Variants in NOS3 observed in about 807,000 individuals in gnomAD.
NOS3 encodes the protein nitric oxide synthase 3, also known as NOS type III.
NOS3 carries 98 observed loss-of-function variants against 144.9 expected under a neutral mutation model. The ratio of observed to expected loss-of-function variants is 0.68; its 90% confidence interval spans 0.57 to 0.80. NOS3 has a LOEUF of 0.80. NOS3 is among the 30% of genes least tolerant of loss of function. The probability of loss-of-function intolerance (pLI) is 0.00; values close to 1 mark genes in which losing one functional copy is unlikely to be tolerated. For synonymous variants in NOS3, 714 were observed against 702.4 expected, an observed-to-expected ratio of 1.02 and a Z score of -0.26; for missense variants, 1,465 against 1,656.4, an observed-to-expected ratio of 0.88 and a Z score of 2.01.
chr7:151,003,446 G>T lies in NOS3; in HGVS notation c.1752+1142G>T, dbSNP rs1365219835. 1 of 1,215,736 alleles carries T rather than the reference G, an allele frequency of 8.2e-7. No homozygotes were observed. Among genetic ancestry groups the T allele is most frequent in the East Asian group, 5.8e-5 (1 of 17,236 alleles). 75.3% of individuals were successfully genotyped at this position (1,215,736 alleles called of 1,614,324 possible). Reference sequence around the variant, plus strand: ...TGGCCCTCAGTATCTTAAGCAAGTTGGAATCTCGTGAAACCCTTTTTGCTG... The same window carrying T: ...TGGCCCTCAGTATCTTAAGCAAGTTTGAATCTCGTGAAACCCTTTTTGCTG... On this transcript the variant is annotated intron_variant, in intron 14 of 26. Transcript: ENST00000297494. This position sits in a 1 kb window ranked among gnomAD's most constrained non-coding sequence, Gnocchi z 4.1.
chr7:150,993,635 G>A lies in NOS3; in HGVS notation c.-51-118G>A. On this transcript the variant is annotated intron_variant, in intron 1 of 26. Coordinates refer to ENST00000297494, the MANE Select transcript of NOS3 (RefSeq NM_000603.5). This position sits in a 1 kb window ranked among gnomAD's most constrained non-coding sequence, Gnocchi z 4.0. ...GCGGGCGTGGAGCTGAGGCTTTAGA[G>A]CCTCCCAGCCGGGCTTGTTCCTGTC... The A allele has an allele frequency of 4.6e-6, 3 of 652,584 alleles. No homozygotes were observed. In the South Asian group the frequency reaches 6.9e-5, roughly 15 times the overall value. 40.4% of individuals were successfully genotyped at this position (652,584 alleles called of 1,614,324 possible).
chr7:151,012,600 CATG>C, intron 24 of NOS3, 128 bp downstream of exon 24: 1 of 1,203,360 alleles, frequency 8.3e-7, no homozygotes, highest in South Asian at 1.5e-5. Context: ...AAAAGACGCT[CATG>C]AGACCAAGGG....
intron 2 of NOS3, 64 bp downstream of exon 2, chr7:150,994,025 G>T: frequency 2.0e-6 from 3 of 1,501,054 alleles, no homozygotes; most frequent in South Asian, 2.5e-5. Context: ...GAAGCCTGGG[G>T]CTGGGAAGGT....
At chr7:151,012,589 G>GA (rs1795330104) in intron 24 of NOS3, 117 bp downstream of exon 24, 1 of 1,302,008 alleles carries the variant, frequency 7.7e-7, no homozygotes, top group South Asian at 1.5e-5. Context: ...CCACAAAGCT[G>GA]AAAAGACGCT....
chr7:151,007,220 G>A lies in NOS3; in HGVS notation c.2056G>A (p.Asp686Asn), dbSNP rs755188330. The part of the protein sequence containing the change: ...GERLLQLGQG[D>N]ELCGQEEAFR... Reference sequence around the variant, plus strand: ...GCGGCTGCTGCAGCTGGGCCAGGGCGACGAGCTGTGCGGCCAGGAGGAGGC... The same window carrying A: ...GCGGCTGCTGCAGCTGGGCCAGGGCAACGAGCTGTGCGGCCAGGAGGAGGC... The change falls in exon 17 of 27, where the codon GAC becomes AAC. Residue 686 changes from aspartate to asparagine, a missense_variant. Coordinates refer to ENST00000297494, the MANE Select transcript of NOS3 (RefSeq NM_000603.5). The A allele has an allele frequency of 1.2e-6, 2 of 1,610,222 alleles. No individual in the cohort carries two copies. Among genetic ancestry groups the A allele is most frequent in the East Asian group, 2.2e-5 (1 of 44,868 alleles).
intron 1 of NOS3, among the ~76,000 whole-genome samples, chr7:150,991,937 A>G (rs567178314): frequency 6.6e-6 from 1 of 151,738 alleles, no homozygotes; most frequent in East Asian, 1.9e-4. Context: ...CGGAGGTTAC[A>G]GTGAGCTGAG....
intron 17 of NOS3, 107 bp downstream of exon 17, chr7:151,007,383 C>A: frequency 8.1e-7 from 1 of 1,231,126 alleles, no homozygotes; most frequent in Non-Finnish European, 1.1e-6. Flanking sequence ...CTGTTCCTTC[C>A]AAAATCCACC....
intron 9 of NOS3, among the ~76,000 whole-genome samples, chr7:150,999,652 G>C (rs1382121610): frequency 6.7e-6 from 1 of 149,128 alleles, no homozygotes; most frequent in Non-Finnish European, 1.5e-5. Flanking sequence ...GAGACTGTGG[G>C]TTTGTAGGGG....
chr7:151,005,748 G>A (rs751778966), intron 14 of NOS3, among the ~76,000 whole-genome samples: 18 of 152,210 alleles, frequency 1.2e-4, no homozygotes, highest in Admixed American at 5.9e-4. Flanking sequence ...TCTCAGTGAA[G>A]TACAATGTAG....
At chr7:151,008,432 G>A (rs1453216116) in intron 17 of NOS3, among the ~76,000 whole-genome samples, 1 of 152,200 alleles carries the variant, frequency 6.6e-6, no homozygotes, top group African/African-American at 2.4e-5. Context: ...GCCCCGTGGG[G>A]TCCCCTCTGC....
chr7:151,006,558 G>A (rs1795209429), intron 15 of NOS3, 64 bp downstream of exon 15: 1 of 1,369,000 alleles, frequency 7.3e-7, no homozygotes, highest in Non-Finnish European at 1.0e-6. Flanking sequence ...CAAACAGAAA[G>A]GGGGTCTGAA....
intron 23 of NOS3, chr7:151,011,683 G>A (rs527499618): frequency 5.4e-5 from 12 of 223,836 alleles, no homozygotes; most frequent in Admixed American, 5.3e-4. Flanking sequence ...CCACCACCAC[G>A]CCCAGCTAAT....
chr7:151,008,149 T>G (rs1584910006), intron 17 of NOS3, among the ~76,000 whole-genome samples: 1 of 151,808 alleles, frequency 6.6e-6, no homozygotes, highest in Non-Finnish European at 1.5e-5. Flanking sequence ...AGGCGTAGGA[T>G]CCATTACAGC....
chr7:151,013,694 A>G (rs1355553532), intron 25 of NOS3, 30 bp from the exon 26 acceptor site: 1 of 929,126 alleles, frequency 1.1e-6, no homozygotes, highest in Non-Finnish European at 1.6e-6. Flanking sequence ...CACCCCCACC[A>G]GGGCCCGCCC....
chr7:151,001,856 T>C lies in NOS3; in HGVS notation c.1538T>C (p.Val513Ala). ...VKISASLMGT[V>A]MAKRVKATIL... ...ATCTCCGCCTCGCTCATGGGCACGG[T>C]GATGGCGAAGCGAGTGAAGGCGACA... The change falls in exon 13 of 27, where the codon GTG becomes GCG. Residue 513 changes from valine to alanine, a missense_variant. Transcript: ENST00000297494. The C allele has an allele frequency of 8.1e-6, 13 of 1,613,136 alleles. No homozygotes were observed. Among genetic ancestry groups the C allele is most frequent in the Non-Finnish European group, 1.1e-5 (13 of 1,179,868 alleles).
Position 150,998,833 on chromosome 7 carries a change from A to G in NOS3, c.817-113A>G. 6.8e-7 allele frequency: 1 copy of G among 1,476,332 alleles called. No individual in the cohort carries two copies. The highest frequency in any genetic ancestry group is 1.3e-5 in the South Asian group (1 of 78,056). 91.5% of individuals were successfully genotyped at this position (1,476,332 alleles called of 1,614,324 possible). Reference sequence around the variant, plus strand: ...AGGAGGGGTGCCTGGGTGGTCACGGAGACCCAGCCAATGAGGGACCCTGGA... The same window carrying G: ...AGGAGGGGTGCCTGGGTGGTCACGGGGACCCAGCCAATGAGGGACCCTGGA... On this transcript the variant is annotated intron_variant, in intron 7 of 26. Coordinates refer to ENST00000297494, the MANE Select transcript of NOS3 (RefSeq NM_000603.5). The surrounding 1 kb of genome is among the most constrained non-coding windows in gnomAD (Gnocchi z 5.0).
Position 150,998,275 on chromosome 7 carries a change from A to T in NOS3, c.583-82A>T. 7.7e-7 allele frequency: 1 copy of T among 1,297,394 alleles called. No homozygotes were observed. The highest frequency in any genetic ancestry group is 1.3e-5 in the South Asian group (1 of 77,190). The allele number at this position is 1,297,394 out of a possible 1,614,324, so 80.4% of individuals were successfully genotyped here. A position where few individuals can be genotyped will look rare whatever the true frequency, so the allele number is the denominator to read the frequency against. On this transcript the variant is annotated intron_variant, in intron 5 of 26. Coordinates refer to ENST00000297494, the MANE Select transcript of NOS3 (RefSeq NM_000603.5). The surrounding 1 kb of genome is among the most constrained non-coding windows in gnomAD (Gnocchi z 5.0). ...AGTGAACCATGGCCCCTGCCTCCTC[A>T]CCAGCAGCTCCTCTGGAGCTGATAC... is the stretch of plus-strand genomic sequence containing the variant.
chr7:151,011,150 GCT>G (rs1378000075), intron 23 of NOS3, among the ~76,000 whole-genome samples, 164 bp downstream of exon 23: 1 of 152,118 alleles, frequency 6.6e-6, no homozygotes, highest in African/African-American at 2.4e-5. Flanking sequence ...CTAAGCTTTG[GCT>G]CTCTCATTCA....
Position 151,002,804 on chromosome 7 carries a change from C to CATTTTATTTT in NOS3, c.1752+505_1752+514dup. On this transcript the variant is annotated intron_variant, in intron 14 of 26. Transcript: ENST00000297494. This position sits in a 1 kb window ranked among gnomAD's most constrained non-coding sequence, Gnocchi z 4.1. ...TACAACATGTGCAACACTATTCCAG[C>CATTTTATTTT]ATTTTATTTTATTTGTTTTATTTAT... The CATTTTATTTT allele has an allele frequency of 2.5e-5, 4 of 160,954 alleles. No homozygotes were observed. Among genetic ancestry groups the CATTTTATTTT allele is most frequent in the African/African-American group, 1.3e-4 (4 of 29,782 alleles). The allele number at this position is 160,954 out of a possible 1,614,324, so 10.0% of individuals were successfully genotyped here.
Sources: gnomAD v4.1 joint callset for allele counts (sites outside exome capture counted in the v4.1 genomes callset) on GRCh38, gnomAD v4.1.1 for gene constraint, Gnocchi (gnomAD v3.1) non-coding constraint, MANE v1.5 for transcripts, NCBI Gene and HGNC (gene_info 2026-07-23, HGNC 2026-07-21) for gene names.